The following GRIA1 variants were observed in gnomAD, a reference collection of about 807,000 sequenced individuals.
The protein encoded by GRIA1 is glutamate receptor 1.
GRIA1 carries 31 observed loss-of-function variants against 99.2 expected under a neutral mutation model. The observed-to-expected ratio is 0.31, with a 90% CI of 0.23 to 0.42. The LOEUF (loss-of-function observed/expected upper bound fraction) is 0.42. GRIA1 is among the 10% of genes least tolerant of loss of function. The pLI is 1.00. For synonymous variants in GRIA1, 438 were observed against 432.4 expected (o/e 1.01, Z -0.16); for missense variants, 782 against 1,157.5 (o/e 0.68, Z 4.71).
At chr5:153,650,147 T>C (rs558928173) in intron 3 of GRIA1, among the ~76,000 whole-genome samples, 183 bp from the exon 4 acceptor site, 28 of 152,342 alleles carry the variant, frequency 1.8e-4, no homozygotes, top group Admixed American at 3.3e-4. Context: ...CTACCATCTA[T>C]GTTCAGAAAC....
chr5:153,504,982 G>T (rs1755354906), intron 2 of GRIA1, among the ~76,000 whole-genome samples: 1 of 152,118 alleles, frequency 6.6e-6, no homozygotes, highest in Non-Finnish European at 1.5e-5. Flanking sequence ...TCTCCTAATT[G>T]GTTCCATCCC....
At chr5:153,719,514 G>T (rs909413438) in intron 11 of GRIA1, among the ~76,000 whole-genome samples, 1 of 151,944 alleles carries the variant, frequency 6.6e-6, no homozygotes, top group Non-Finnish European at 1.5e-5. Context: ...GAGGCTTTTG[G>T]CCTGAATACC....
intron 5 of GRIA1, among the ~76,000 whole-genome samples, chr5:153,671,362 T>C (rs1025740945): frequency 6.6e-6 from 1 of 152,248 alleles, no homozygotes; most frequent in African/African-American, 2.4e-5. Flanking sequence ...AGTTACTTTA[T>C]GAACATGTTC....
At chr5:153,672,183 GT>G (rs923761778) in intron 5 of GRIA1, among the ~76,000 whole-genome samples, 2 of 151,162 alleles carry the variant, frequency 1.3e-5, no homozygotes, top group African/African-American at 4.9e-5. Flanking sequence ...TCACCTCAGG[GT>G]CATGCCATGC....
rs1464974957 is a variant in GRIA1, at chr5:153,655,853, A to G, written c.680A>G (p.His227Arg). 6.2e-7 allele frequency: 1 copy of G among 1,613,346 alleles called. No individual in the cohort carries two copies. The highest frequency in any genetic ancestry group is 8.5e-7 in the Non-Finnish European group (1 of 1,179,598). The change falls in exon 5 of 16, where the codon CAC (histidine) becomes CGC (arginine). Residue 227 changes from histidine (H) to arginine (R), a missense_variant. Coordinates refer to ENST00000285900, the MANE Select transcript of GRIA1 (RefSeq NM_000827.4). ...IKLEKNGIGY[H>R]YILANLGFMD... ...CTAGAGAAGAATGGCATCGGCTACC[A>G]CTACATTCTTGCAAATCTGGTGAGT...
At chr5:153,633,783 A>G (rs1753144229) in intron 2 of GRIA1, among the ~76,000 whole-genome samples, 1 of 152,238 alleles carries the variant, frequency 6.6e-6, no homozygotes, top group South Asian at 2.1e-4. Context: ...TCATTTAGTC[A>G]TATAAAGAAC....
At chr5:153,633,887 A>G (rs1341426614) in intron 2 of GRIA1, among the ~76,000 whole-genome samples, 1 of 152,252 alleles carries the variant, frequency 6.6e-6, no homozygotes, top group Non-Finnish European at 1.5e-5. Context: ...ATGCTAGGAC[A>G]ATAGTGATAA....
At chr5:153,504,355 T>TA (rs952530231) in intron 2 of GRIA1, among the ~76,000 whole-genome samples, 1 of 151,584 alleles carries the variant, frequency 6.6e-6, no homozygotes, top group African/African-American at 2.4e-5. Context: ...AGCATATATA[T>TA]ATATACACTA....
chr5:153,723,984 G>T (rs1322667036), intron 11 of GRIA1, among the ~76,000 whole-genome samples: 3 of 152,204 alleles, frequency 2.0e-5, no homozygotes, highest in African/African-American at 7.2e-5. Context: ...AGCCTAACTG[G>T]GAGGCGCCCC....
chr5:153,575,012 A>G lies in GRIA1; in HGVS notation c.221-71916A>G, dbSNP rs374640705. 3.3e-5 allele frequency among the ~76,000 whole-genome samples: 5 copies of G among 152,218 alleles called. No homozygotes were observed. The East Asian group carries it at 7.7e-4, about 23-fold the overall frequency. Reference sequence around the variant, plus strand: ...TGCTGTGCTCAAATGCCTGACTGATAAAAAAGAGAACAGACTCATAAAACC... The same window carrying G: ...TGCTGTGCTCAAATGCCTGACTGATGAAAAAGAGAACAGACTCATAAAACC... On this transcript the variant is annotated intron_variant, in intron 2 of 15. Coordinates refer to ENST00000285900, the MANE Select transcript of GRIA1 (RefSeq NM_000827.4).
chr5:153,641,526 C>T (rs1581386532), intron 2 of GRIA1, among the ~76,000 whole-genome samples: 1 of 152,114 alleles, frequency 6.6e-6, no homozygotes, highest in East Asian at 1.9e-4. Context: ...GAATTCCTGG[C>T]CTCGTTTTTT....
At chr5:153,602,715 C>T (rs1765090970) in intron 2 of GRIA1, among the ~76,000 whole-genome samples, 1 of 152,130 alleles carries the variant, frequency 6.6e-6, no homozygotes. Context: ...GTACCTCCTA[C>T]AGCCCTGGGC....
intron 5 of GRIA1, among the ~76,000 whole-genome samples, chr5:153,670,591 T>G (rs971190224): frequency 2.6e-5 from 4 of 152,080 alleles, no homozygotes; most frequent in Non-Finnish European, 4.4e-5. Context: ...AATGTAGTAT[T>G]TTTATATAAT....
intron 2 of GRIA1, among the ~76,000 whole-genome samples, chr5:153,522,173 G>A (rs1203603927): frequency 6.6e-6 from 1 of 152,210 alleles, no homozygotes. Flanking sequence ...TTCTAGCTGT[G>A]TAATCTTTGG....
intron 2 of GRIA1, among the ~76,000 whole-genome samples, chr5:153,514,118 G>A (rs1344632850): frequency 1.3e-5 from 2 of 152,146 alleles, no homozygotes; most frequent in East Asian, 3.9e-4. Flanking sequence ...TGGCTGTGTA[G>A]GTGGCAAGCA....
chr5:153,628,154 C>G (rs140493196), intron 2 of GRIA1, among the ~76,000 whole-genome samples: 1 of 152,060 alleles, frequency 6.6e-6, no homozygotes, highest in Non-Finnish European at 1.5e-5. Flanking sequence ...GAGAGCCCAG[C>G]GAAGGATGGA....
rs1290205363 is a variant in GRIA1 at position 153,794,751 on chromosome 5, A to G, written c.2385+16A>G. 1 of 1,122,774 alleles carries G rather than the reference A, an allele frequency of 8.9e-7. No individual in the cohort carries two copies. The highest frequency in any genetic ancestry group is 2.3e-5 in the Admixed American group (1 of 43,780). 69.6% of individuals were successfully genotyped at this position (1,122,774 alleles called of 1,614,324 possible). A position where few individuals can be genotyped will look rare whatever the true frequency, so the allele number is the denominator to read the frequency against. Reference sequence around the variant, plus strand: ...TGATTCCAAGGTCAGCCCCAGTAAGAAAAAAAAAAACCTAGTGGGTATGAA... The same window carrying G: ...TGATTCCAAGGTCAGCCCCAGTAAGGAAAAAAAAAACCTAGTGGGTATGAA... On this transcript the variant is annotated intron_variant, in intron 14 of 15. Transcript: ENST00000285900.
chr5:153,554,853 A>T (rs1436527498), intron 2 of GRIA1, among the ~76,000 whole-genome samples: 4 of 152,226 alleles, frequency 2.6e-5, no homozygotes, highest in Admixed American at 2.6e-4. Flanking sequence ...AGTAGGCCAG[A>T]TGCAGAGAAA....
chr5:153,683,536 C>T (rs959387688), intron 7 of GRIA1, among the ~76,000 whole-genome samples: 3 of 152,174 alleles, frequency 2.0e-5, no homozygotes, highest in African/African-American at 7.2e-5. Context: ...CTTGTGAGAT[C>T]ACCGTGACAG....
Sources: allele counts gnomAD v4.1 joint callset (sites outside exome capture counted in the v4.1 genomes callset), GRCh38; gene constraint gnomAD v4.1.1; transcripts MANE v1.5; gene names NCBI Gene and HGNC (gene_info 2026-07-23, HGNC 2026-07-21).